The following DISP3 variants were observed in gnomAD, a reference collection of about 807,000 sequenced individuals.
DISP3 encodes the protein dispatched RND transporter family member 3.
A neutral mutation model predicts 135.3 loss-of-function variants in DISP3; 101 were observed. That is an observed-to-expected ratio of 0.75 (90% confidence interval 0.64 to 0.88). DISP3 has a LOEUF of 0.88. DISP3 is among the 40% of genes least tolerant of loss of function. DISP3 has a pLI of 0.00. For synonymous variants in DISP3, 856 were observed against 817.0 expected (o/e 1.05, Z -0.81); for missense variants, 1,713 against 1,878.6 (o/e 0.91, Z 1.63).
At chr1:11,534,267 TC>T in intron 17 of DISP3, 113 bp from the exon 18 acceptor site, 1 of 1,302,512 alleles carries the variant, frequency 7.7e-7, no homozygotes, top group Non-Finnish European at 1.1e-6. Flanking sequence ...GTTCACACCC[TC>T]CCCAACACAC....
At chr1:11,518,339 G>A (rs1642071634) in intron 7 of DISP3, among the ~76,000 whole-genome samples, 1 of 152,186 alleles carries the variant, frequency 6.6e-6, no homozygotes, top group African/African-American at 2.4e-5. Flanking sequence ...CTTAGACTTG[G>A]GCCTGAGATG....
intron 1 of DISP3, among the ~76,000 whole-genome samples, chr1:11,494,701 C>A (rs1641282233): frequency 6.6e-6 from 1 of 152,176 alleles, no homozygotes; most frequent in Admixed American, 6.5e-5. Context: ...CAGAGCTGAA[C>A]CAGGGAAGGC....
intron 3 of DISP3, among the ~76,000 whole-genome samples, chr1:11,512,822 A>C (rs559923285): frequency 2.2e-3 from 330 of 152,326 alleles, no homozygotes; most frequent in African/African-American, 7.3e-3. Flanking sequence ...GTTTAATCAG[A>C]CTTACAGTTC....
At position 11,501,502 on chromosome 1, in the gene DISP3, A is replaced by G; in HGVS notation, c.510A>G (p.Arg170=). The change falls in exon 2 of 21, where the codon CGA becomes CGG. Residue 170 remains arginine, a synonymous_variant. Coordinates refer to ENST00000294484, the MANE Select transcript of DISP3 (RefSeq NM_020780.2). This position sits in a 1 kb window ranked among gnomAD's most constrained non-coding sequence, Gnocchi z 4.9. ...GCAACCGCTCGCGGCAAGCCTCCCG[A>G]GCCCCCCGCGTCATCCCCGCGGCCT... ...HLGNRSRQAS[R]APRVIPAASL... is the part of the protein sequence containing the mutation. 6.2e-7 allele frequency: 1 copy of G among 1,606,230 alleles called. No individual in the cohort carries two copies. The highest frequency in any genetic ancestry group is 1.1e-5 in the South Asian group (1 of 90,396).
At chr1:11,514,646 CAG>C in intron 4 of DISP3, 120 bp downstream of exon 4, 1 of 1,304,210 alleles carries the variant, frequency 7.7e-7, no homozygotes, top group Non-Finnish European at 1.1e-6. Flanking sequence ...GCTGGGGACA[CAG>C]GGATATGCAC....
In DISP3 at chr1:11,519,721, T is replaced by A. The variant is rs1209929509; in HGVS notation, c.2041T>A (p.Ser681Thr). 6.2e-7 allele frequency: 1 copy of A among 1,612,406 alleles called. No homozygotes were observed. Residue 681 changes from serine to threonine, a missense_variant and splice_region_variant, in exon 9 of 21, where the codon TCA becomes ACA. Ser to Thr is a moderately conservative substitution (Grantham distance 58). Around this residue, in one of 2 missense-constraint regions of DISP3, gnomAD observed 1,142 missense variants for 1,384.6 expected, o/e 0.82. Transcript: ENST00000294484. This position sits in a 1 kb window ranked among gnomAD's most constrained non-coding sequence, Gnocchi z 4.3. Reference sequence around the variant, plus strand: ...GGGCCACTGCTCTGCCCTGGCAGTGTCACTGGAGCTGGGAGACGTGTCCCT... The same window carrying A: ...GGGCCACTGCTCTGCCCTGGCAGTGACACTGGAGCTGGGAGACGTGTCCCT... ...PLLEVEEEPV[S>T]LELGDVSLVS...
chr1:11,522,408 G>C (rs1642222852), intron 10 of DISP3, among the ~76,000 whole-genome samples: 1 of 152,116 alleles, frequency 6.6e-6, no homozygotes, highest in Admixed American at 6.5e-5. Flanking sequence ...CCCTGGCCAC[G>C]TCCCCAGCTC....
Position 11,501,506 on chromosome 1 carries a change from C to T in DISP3, c.514C>T (p.Pro172Ser), listed in dbSNP as rs777903240. 6.2e-7 allele frequency: 1 copy of T among 1,606,286 alleles called. No individual in the cohort carries two copies. The highest frequency in any genetic ancestry group is 8.5e-7 in the Non-Finnish European group (1 of 1,176,204). Residue 172 changes from proline (P) to serine (S), a missense_variant, in exon 2 of 21, where the codon CCC (proline) becomes TCC (serine). This residue lies in a region of DISP3 where 571 missense variants were observed against 494.1 expected (regional missense o/e 1.16). Coordinates refer to ENST00000294484, the MANE Select transcript of DISP3 (RefSeq NM_020780.2). This position sits in a 1 kb window ranked among gnomAD's most constrained non-coding sequence, Gnocchi z 4.9. Reference sequence around the variant, plus strand: ...CCGCTCGCGGCAAGCCTCCCGAGCCCCCCGCGTCATCCCCGCGGCCTCACT... The same window carrying T: ...CCGCTCGCGGCAAGCCTCCCGAGCCTCCCGCGTCATCCCCGCGGCCTCACT... ...GNRSRQASRA[P>S]RVIPAASLGG...
Position 11,536,676 on chromosome 1 carries a change from CCTCCCTATAGCCCGGGACGGGCT to C in DISP3, c.4172_*15del. ...TATAAGATTCCCCTGCCCGCAGGGG[CCTCCCTATAGCCCGGGACGGGCT>C]CTGGACACTTGCACCTTTGGTCCCA... On this transcript the variant is annotated stop_lost and 3_prime_UTR_variant, in exon 21 of 21. Transcript: ENST00000294484. The surrounding 1 kb of genome is among the most constrained non-coding windows in gnomAD (Gnocchi z 4.3). 1 of 1,571,202 alleles carries C rather than the reference CCTCCCTATAGCCCGGGACGGGCT, an allele frequency of 6.4e-7. No homozygotes were observed. The highest frequency in any genetic ancestry group is 8.6e-7 in the Non-Finnish European group (1 of 1,159,478).
At chr1:11,486,009 AGGGACTC>A (rs1362922224) in intron 1 of DISP3, among the ~76,000 whole-genome samples, 1 of 152,206 alleles carries the variant, frequency 6.6e-6, no homozygotes, top group Non-Finnish European at 1.5e-5. Flanking sequence ...AATTGTGCAT[AGGGACTC>A]GGGCTCTGTG....
In DISP3 at chr1:11,535,639, G is replaced by T. The variant is rs1274328925; in HGVS notation, c.3811G>T (p.Ala1271Ser). The T allele has an allele frequency of 6.2e-7, 1 of 1,611,064 alleles. No homozygotes were observed. The highest frequency in any genetic ancestry group is 8.5e-7 in the Non-Finnish European group (1 of 1,179,414). ...TGGAGAGAACCTGCCCCCCCACCAG[G>T]CCGAGGTGCGCACCCTGCCCGCCTT... ...LAGENLPPHQ[A>S]EDARTQRQWR... Residue 1271 changes from alanine (A) to serine (S), a missense_variant, in exon 20 of 21, where the codon GCC (alanine) becomes TCC (serine). Transcript: ENST00000294484.
Position 11,535,015 on chromosome 1 carries a change from G to A in DISP3, c.3540G>A (p.Val1180=). The A allele has an allele frequency of 6.3e-7, 1 of 1,580,246 alleles. No individual in the cohort carries two copies. Residue 1180 remains valine, a synonymous_variant, in exon 19 of 21, where the codon GTG becomes GTA. Coordinates refer to ENST00000294484, the MANE Select transcript of DISP3 (RefSeq NM_020780.2). ...AGGCCCTGTCCTCCCTTGCAGGGGT[G>A]CAGAGCGCCCTGTGCGGCCTGGTGC... ...WKQIFMEIVG[V]QSALCGLVLS... is the part of the protein sequence containing the mutation.
intron 10 of DISP3, among the ~76,000 whole-genome samples, chr1:11,522,639 AG>A (rs1642246722): frequency 2.0e-4 from 10 of 50,118 alleles, no homozygotes; most frequent in South Asian, 7.2e-4. Context: ...GCCCAGCCAG[AG>A]CCCAGCCAGG....
intron 3 of DISP3, among the ~76,000 whole-genome samples, chr1:11,503,975 G>A (rs1241551209): frequency 6.6e-6 from 1 of 152,124 alleles, no homozygotes; most frequent in Non-Finnish European, 1.5e-5. Flanking sequence ...CTCCCCACCA[G>A]AACAGAGCAG....
intron 1 of DISP3, among the ~76,000 whole-genome samples, chr1:11,488,104 C>A (rs926369236): frequency 6.6e-6 from 1 of 152,150 alleles, no homozygotes; most frequent in African/African-American, 2.4e-5. Context: ...GGTAGCTTCG[C>A]TGGGTCTCTC....
intron 12 of DISP3, 71 bp from the exon 13 acceptor site, chr1:11,526,580 G>T: frequency 1.3e-6 from 2 of 1,513,712 alleles, no homozygotes; most frequent in Non-Finnish European, 1.8e-6. Flanking sequence ...AGGGGACGGA[G>T]CCTGAGGCTG....
chr1:11,533,253 CTTTTTTTTTT>C (rs70983563), intron 17 of DISP3, among the ~76,000 whole-genome samples: 2 of 103,986 alleles, frequency 1.9e-5, no homozygotes, highest in African/African-American at 7.1e-5. Flanking sequence ...GTGACTGTTT[CTTTTTTTTTT>C]TTTTTTTTTT....
At chr1:11,496,314 G>A (rs1183080644) in intron 1 of DISP3, among the ~76,000 whole-genome samples, 1 of 152,108 alleles carries the variant, frequency 6.6e-6, no homozygotes, top group Non-Finnish European at 1.5e-5. Context: ...CATGGGCCCC[G>A]GCAAGGCCCA....
intron 1 of DISP3, among the ~76,000 whole-genome samples, chr1:11,500,543 C>T (rs2100403013): frequency 6.6e-6 from 1 of 152,250 alleles, no homozygotes; most frequent in Middle Eastern, 3.4e-3. Context: ...TCCCTTGCAC[C>T]CTGATACTTC....
Sources: gnomAD v4.1 joint callset for allele counts (sites outside exome capture counted in the v4.1 genomes callset) on GRCh38, gnomAD v4.1.1 for gene constraint, gnomAD v4.1.1 regional missense constraint, Gnocchi (gnomAD v3.1) non-coding constraint, MANE v1.5 for transcripts, NCBI Gene and HGNC (gene_info 2026-07-23, HGNC 2026-07-21) for gene names.